PCSK5: variants seen among roughly 807,000 people sequenced by gnomAD.
PCSK5 encodes the protein proprotein convertase subtilisin/kexin type 5, also known as prohormone convertase 5.
PCSK5 carries 129 observed loss-of-function variants against 233.2 expected under a neutral mutation model. The observed-to-expected ratio is 0.55, with a 90% CI of 0.48 to 0.64. PCSK5 has a LOEUF of 0.64. Ranked by LOEUF, PCSK5 falls within the 30% of genes least tolerant of loss-of-function variation. PCSK5 has a pLI of 0.00. For missense variants in PCSK5, 2,076 were observed against 2,430.1 expected, an observed-to-expected ratio of 0.85 and a Z score of 3.06; for synonymous variants, 825 against 879.2, an observed-to-expected ratio of 0.94 and a Z score of 1.09.
At chr9:75,894,739 G>T (rs1384266316) in intron 1 of PCSK5, among the ~76,000 whole-genome samples, 1 of 152,110 alleles carries the variant, frequency 6.6e-6, no homozygotes, top group Non-Finnish European at 1.5e-5. Context: ...CCGAGGGTAG[G>T]AGGTGTGCAT....
intron 7 of PCSK5, among the ~76,000 whole-genome samples, chr9:76,085,722 T>G (rs886701307): frequency 2.0e-5 from 3 of 152,234 alleles, no homozygotes; most frequent in Non-Finnish European, 4.4e-5. Flanking sequence ...AGATCAAGTA[T>G]TATTACTTCA....
chr9:75,946,203 TCTA>T (rs2131312186), intron 2 of PCSK5, among the ~76,000 whole-genome samples: 1 of 152,362 alleles, frequency 6.6e-6, no homozygotes, highest in Non-Finnish European at 1.5e-5. Context: ...TCTTTATTCT[TCTA>T]GTACTGACAT....
intron 20 of PCSK5, among the ~76,000 whole-genome samples, chr9:76,197,579 ATTC>A (rs1824751695): frequency 6.6e-6 from 1 of 152,236 alleles, no homozygotes. Context: ...ATAGACATTC[ATTC>A]TTAACAGCTT....
chr9:76,239,192 A>G, intron 23 of PCSK5, 27 bp downstream of exon 23: 1 of 1,537,916 alleles, frequency 6.5e-7, no homozygotes, highest in Non-Finnish European at 8.8e-7. Flanking sequence ...GCCCTTGCCC[A>G]GCACCCGAAC....
intron 37 of PCSK5, among the ~76,000 whole-genome samples, chr9:76,355,212 C>G (rs919089071): frequency 6.6e-6 from 1 of 152,198 alleles, no homozygotes; most frequent in Non-Finnish European, 1.5e-5. Context: ...GTGGCTCACG[C>G]CTGTAATCTC....
chr9:76,224,150 A>G (rs551941416), intron 20 of PCSK5, among the ~76,000 whole-genome samples: 68 of 152,332 alleles, frequency 4.5e-4, no homozygotes, highest in African/African-American at 1.6e-3. Context: ...TAGTAGGAGG[A>G]AAAAACAAGT....
chr9:76,032,391 G>A (rs557942569), intron 5 of PCSK5, among the ~76,000 whole-genome samples: 7 of 152,262 alleles, frequency 4.6e-5, no homozygotes, highest in East Asian at 1.9e-4. Flanking sequence ...AAACTCTAAT[G>A]CCTGAAGGGT....
At chr9:76,184,479 C>T (rs1824011573) in intron 16 of PCSK5, among the ~76,000 whole-genome samples, 194 bp from the exon 17 acceptor site, 1 of 152,030 alleles carries the variant, frequency 6.6e-6, no homozygotes, top group Non-Finnish European at 1.5e-5. Flanking sequence ...AAGGTGTTTT[C>T]CAGTGTTACA....
At chr9:75,933,122 T>TC (rs1329601126) in intron 2 of PCSK5, among the ~76,000 whole-genome samples, 3 of 152,142 alleles carry the variant, frequency 2.0e-5, no homozygotes, top group Non-Finnish European at 4.4e-5. Context: ...GCCTAGGTTC[T>TC]CCCGTTTTAG....
chr9:75,997,024 A>C (rs916137869), intron 3 of PCSK5, among the ~76,000 whole-genome samples: 1 of 152,122 alleles, frequency 6.6e-6, no homozygotes, highest in Non-Finnish European at 1.5e-5. Context: ...GATTAGTTGT[A>C]GTGATCAGGG....
At chr9:76,054,974 A>G (rs1314575879) in intron 5 of PCSK5, among the ~76,000 whole-genome samples, 2 of 152,156 alleles carry the variant, frequency 1.3e-5, no homozygotes, top group Non-Finnish European at 2.9e-5. Flanking sequence ...TTATTACTCA[A>G]TACTATGAAA....
At chr9:76,202,098 T>A (rs747876107) in intron 20 of PCSK5, among the ~76,000 whole-genome samples, 2 of 152,156 alleles carry the variant, frequency 1.3e-5, no homozygotes, top group Non-Finnish European at 2.9e-5. Context: ...AATGTTTAAT[T>A]GTTCTATGTT....
rs765318161 is a variant in PCSK5, at chr9:76,358,668, G to C, written c.5410G>C (p.Ala1804Pro). 47 of 1,612,834 alleles carry C rather than the reference G, an allele frequency of 2.9e-5. No homozygotes were observed. Among genetic ancestry groups the C allele is most frequent in the Admixed American group, 8.3e-5 (5 of 60,010 alleles). Residue 1804 changes from alanine (A) to proline (P), a missense_variant, in exon 38 of 38, where the codon GCC becomes CCC. Ala to Pro is a conservative substitution (Grantham distance 27). Around this residue, in one of 6 missense-constraint regions of PCSK5, gnomAD observed 1,510 missense variants for 1,538.1 expected, o/e 0.98. Transcript: ENST00000674117. ...SRGRVQPAAK[A>P]GYEKLADPNK... ...TGGCCGAGTCCAGCCAGCAGCAAAG[G>C]CCGGCTATGAAAAACTGGCCGACCC... is the stretch of plus-strand genomic sequence containing the variant.
At chr9:75,930,669 A>G (rs1823746696) in intron 1 of PCSK5, among the ~76,000 whole-genome samples, 1 of 152,088 alleles carries the variant, frequency 6.6e-6, no homozygotes, top group Non-Finnish European at 1.5e-5. Context: ...TAGAAAACAG[A>G]TATGAGAGGG....
intron 27 of PCSK5, among the ~76,000 whole-genome samples, chr9:76,301,321 G>C (rs749836): frequency 0.7 from 105,021 of 150,850 alleles, 37,271 homozygotes; most frequent in East Asian, 0.94. Context: ...AGGGTATAGA[G>C]ATAAACAGGG....
rs1825257813 is a variant in PCSK5 at position 76,209,649 on chromosome 9, C to G, written c.2627-17854C>G. The G allele has an allele frequency of 2.7e-5, 11 of 412,302 alleles. No individual in the cohort carries two copies. In the Admixed American group the frequency reaches 3.1e-4, roughly 12 times the overall value. 25.5% of individuals were successfully genotyped at this position (412,302 alleles called of 1,614,324 possible). ...TTACCAAAATGTTTCGATCACTTCA[C>G]CACATGGCAAGTTGTGGTCTAGATC... On this transcript the variant is annotated intron_variant, in intron 20 of 37. Transcript: ENST00000674117.
intron 30 of PCSK5, among the ~76,000 whole-genome samples, chr9:76,317,536 C>T (rs1222540851): frequency 1.3e-5 from 2 of 152,216 alleles, no homozygotes; most frequent in East Asian, 1.9e-4. Flanking sequence ...TGCGTAGCAG[C>T]GGATCCCTTC....
chr9:75,945,447 C>G (rs965087266), intron 2 of PCSK5, among the ~76,000 whole-genome samples: 1 of 152,142 alleles, frequency 6.6e-6, no homozygotes, highest in Non-Finnish European at 1.5e-5. Flanking sequence ...ACTTTCTCCC[C>G]CTGCACTGCC....
intron 24 of PCSK5, among the ~76,000 whole-genome samples, chr9:76,290,184 T>C (rs996729432): frequency 6.6e-6 from 1 of 152,158 alleles, no homozygotes; most frequent in African/African-American, 2.4e-5. Context: ...AGAATATGGA[T>C]GCAAAAATAG....
Sources: gnomAD v4.1 joint callset for allele counts (sites outside exome capture counted in the v4.1 genomes callset) on GRCh38, gnomAD v4.1.1 for gene constraint, gnomAD v4.1.1 regional missense constraint, MANE v1.5 for transcripts, NCBI Gene and HGNC (gene_info 2026-07-23, HGNC 2026-07-21) for gene names.